DICER1: variants seen among roughly 807,000 people sequenced by gnomAD.
DICER1 encodes dicer 1, ribonuclease III.
Under a neutral mutation model 194.1 loss-of-function variants are expected in DICER1, and 43 were observed. The ratio of observed to expected loss-of-function variants is 0.22; its 90% confidence interval spans 0.17 to 0.29. DICER1 has a LOEUF of 0.29. Ranked by LOEUF, DICER1 falls within the 10% of genes least tolerant of loss-of-function variation. The probability of loss-of-function intolerance (pLI) is 1.00; values close to 1 mark genes in which losing one functional copy is unlikely to be tolerated. For synonymous variants in DICER1, 832 were observed against 820.5 expected, an observed-to-expected ratio of 1.01 and a Z score of -0.24; for missense variants, 1,608 against 2,317.0, an observed-to-expected ratio of 0.69 and a Z score of 6.28.
Position 95,146,629 on chromosome 14 carries a change from C to T in DICER1, c.-46+10601G>A, listed in dbSNP as rs986361416. On this transcript the variant is annotated intron_variant, in intron 1 of 26. Coordinates refer to ENST00000343455, the MANE Select transcript of DICER1 (RefSeq NM_177438.3). The stretch of plus-strand genomic sequence containing the variant: ...GAACAAGAACTCAGGAACCGCCAAA[C>T]GTGGGTATGAGCCGTAACACAGGTA... Among the ~76,000 whole-genome samples the T allele has an allele frequency of 4.6e-5, 7 of 152,234 alleles. 1 individual carries two copies. Among genetic ancestry groups the T allele is most frequent in the South Asian group, 4.1e-4 (2 of 4,824 alleles).
intron 1 of DICER1, among the ~76,000 whole-genome samples, chr14:95,138,986 TAAAAAAATAAAAA>T (rs1226771300): frequency 9.2e-4 from 29 of 31,690 alleles, no homozygotes; most frequent in African/African-American, 4.2e-3. Flanking sequence ...TAAAAATAAA[TAAAAAAATAAAAA>T]AAAAAAAAAA....
At chr14:95,130,220 A>G (rs1405798196) in intron 4 of DICER1, 28 bp from the exon 5 acceptor site, 2 of 1,605,910 alleles carry the variant, frequency 1.2e-6, no homozygotes, top group Non-Finnish European at 1.7e-6. Context: ...TCAGTAAACA[A>G]ACATAGCATT....
At chr14:95,103,210 G>C in intron 21 of DICER1, 136 bp downstream of exon 21, 1 of 966,558 alleles carries the variant, frequency 1.0e-6, no homozygotes, top group Non-Finnish European at 1.6e-6. Context: ...GGTAGAACAA[G>C]GGAGCAGCTG....
At chr14:95,092,282 A>G (rs1889914789) in intron 24 of DICER1, among the ~76,000 whole-genome samples, 1 of 152,232 alleles carries the variant, frequency 6.6e-6, no homozygotes, top group African/African-American at 2.4e-5. Flanking sequence ...GTTTATATCT[A>G]TACACATCCA....
At position 95,105,636 on chromosome 14, in the gene DICER1, TCAAA is replaced by T. The variant is rs760427545; in HGVS notation, c.3093+38_3093+41del. On this transcript the variant is annotated intron_variant, in intron 19 of 26. Transcript: ENST00000343455. This position sits in a 1 kb window ranked among gnomAD's most constrained non-coding sequence, Gnocchi z 4.9. ...ACTTATCTTTAATAATCTTTAATAC[TCAAA>T]CAAATACTAAGTTATGCTAGTACAA... 9.5e-6 allele frequency: 13 copies of T among 1,365,772 alleles called. No individual in the cohort carries two copies. The African/African-American group carries it at 1.3e-4, about 14-fold the overall frequency. 84.6% of individuals were successfully genotyped at this position (1,365,772 alleles called of 1,614,324 possible). A position where few individuals can be genotyped will look rare whatever the true frequency, so the allele number is the denominator to read the frequency against.
At position 95,115,822 on chromosome 14, in the gene DICER1, C is replaced by A; in HGVS notation, c.1753-1G>T. 1.2e-6 allele frequency: 2 copies of A among 1,614,054 alleles called. No individual in the cohort carries two copies. Among genetic ancestry groups the A allele is most frequent in the Non-Finnish European group, 1.7e-6 (2 of 1,179,952 alleles). On this transcript the variant is annotated splice_acceptor_variant, in intron 10 of 26. Coordinates refer to ENST00000343455, the MANE Select transcript of DICER1 (RefSeq NM_177438.3). LOFTEE classifies it high-confidence loss of function. ...ACTTGGAACACTTGTTTCTCAAGAT[C>A]TGAACATTTAAAAAACAGAACTTAT...
At chr14:95,157,915 C>A (rs1006667994), upstream of DICER1, 1 of 152,318 alleles carries the variant, frequency 6.6e-6, no homozygotes, top group African/African-American at 2.4e-5. Context: ...GCACCTCCCT[C>A]CCCTTTTTAA....
At chr14:95,156,469 T>G (rs1234563253) in intron 1 of DICER1, among the ~76,000 whole-genome samples, 1 of 152,226 alleles carries the variant, frequency 6.6e-6, no homozygotes, top group Admixed American at 6.5e-5. Flanking sequence ...TTCAGGTTCC[T>G]AAGGACACAC....
At chr14:95,146,049 A>T (rs1595499632) in intron 1 of DICER1, among the ~76,000 whole-genome samples, 1 of 152,382 alleles carries the variant, frequency 6.6e-6, no homozygotes, top group African/African-American at 2.4e-5. Context: ...TCAGCCATTT[A>T]AAATGGTAAG....
intron 8 of DICER1, 72 bp from the exon 9 acceptor site, chr14:95,117,826 T>A (rs1892619269): frequency 6.8e-7 from 1 of 1,479,258 alleles, no homozygotes; most frequent in African/African-American, 1.4e-5. Flanking sequence ...TAAAGCCTCC[T>A]TTAAAATGGA....
intron 1 of DICER1, among the ~76,000 whole-genome samples, chr14:95,150,534 G>A (rs1241993628): frequency 6.6e-6 from 1 of 152,134 alleles, no homozygotes; most frequent in Non-Finnish European, 1.5e-5. Context: ...AAATTCAGGC[G>A]AAACTCTACT....
intron 11 of DICER1, 67 bp downstream of exon 11, chr14:95,115,600 T>C: frequency 1.3e-6 from 2 of 1,553,120 alleles, no homozygotes; most frequent in Admixed American, 3.3e-5. Context: ...CAATACAAAA[T>C]GTACAGGTTT....
chr14:95,114,840 A>G (rs186080462), intron 11 of DICER1, among the ~76,000 whole-genome samples: 8 of 152,294 alleles, frequency 5.3e-5, no homozygotes, highest in Non-Finnish European at 1.0e-4. Flanking sequence ...GGGTCTCATC[A>G]TAAGAAAATA....
chr14:95,090,768 T>TGACACC, intron 26 of DICER1, 105 bp from the exon 27 acceptor site: 1 of 1,355,624 alleles, frequency 7.4e-7, no homozygotes, highest in Non-Finnish European at 1.1e-6. Flanking sequence ...ATGTATAAGC[T>TGACACC]GACACCACAC....
chr14:95,115,519 A>G, intron 11 of DICER1, 148 bp downstream of exon 11: 1 of 898,646 alleles, frequency 1.1e-6, no homozygotes. Context: ...AAAAAAATGA[A>G]AAAAGAAGTA....
chr14:95,147,262 C>A (rs1402132760), intron 1 of DICER1, among the ~76,000 whole-genome samples: 1 of 152,152 alleles, frequency 6.6e-6, no homozygotes, highest in Non-Finnish European at 1.5e-5. Flanking sequence ...CCCAGGAATT[C>A]TGAGACCAAC....
intron 14 of DICER1, among the ~76,000 whole-genome samples, chr14:95,110,531 T>C (rs529191256): frequency 6.9e-4 from 105 of 152,242 alleles, no homozygotes; most frequent in African/African-American, 2.5e-3. Context: ...ATTTTTTTTT[T>C]CCTTGTCAAC....
chr14:95,155,710 G>C (rs1451092932), intron 1 of DICER1, among the ~76,000 whole-genome samples: 1 of 152,184 alleles, frequency 6.6e-6, no homozygotes, highest in South Asian at 2.1e-4. Flanking sequence ...TGGACTAACT[G>C]TTCTCTTCTT....
chr14:95,116,836 G>A, intron 9 of DICER1, 141 bp from the exon 10 acceptor site: 1 of 835,048 alleles, frequency 1.2e-6, no homozygotes, highest in East Asian at 2.4e-5. Flanking sequence ...CCAGGCTAAA[G>A]AAGATGACAG....
Sources: allele counts gnomAD v4.1 joint callset (sites outside exome capture counted in the v4.1 genomes callset), GRCh38; gene constraint gnomAD v4.1.1; non-coding constraint Gnocchi (gnomAD v3.1); transcripts MANE v1.5; gene names NCBI Gene and HGNC (gene_info 2026-07-23, HGNC 2026-07-21).